The following ZNF578 variants were observed in gnomAD, a reference collection of about 807,000 sequenced individuals.
ZNF578 encodes zinc finger protein 578, also known as Putative chemokine-related protein B42.
A neutral mutation model predicts 8.3 loss-of-function variants in ZNF578; 8 were observed. The observed-to-expected ratio is 0.96, with a 90% CI of 0.56 to 1.74. The LOEUF (loss-of-function observed/expected upper bound fraction) is 1.74, where lower values mean the gene tolerates loss of function less well. Ranked by LOEUF, ZNF578 falls within the 40% of genes most tolerant of loss-of-function variation. The pLI is 0.00. For missense variants in ZNF578, 726 were observed against 707.5 expected (o/e 1.03, Z -0.30); for synonymous variants, 206 against 232.2 (o/e 0.89, Z 1.03).
At chr19:52,466,518 T>C (rs1283691315) in intron 2 of ZNF578, among the ~76,000 whole-genome samples, 1 of 152,234 alleles carries the variant, frequency 6.6e-6, no homozygotes, top group Non-Finnish European at 1.5e-5. Flanking sequence ...TGTTTTTTAA[T>C]GTTTATACCA....
Position 52,503,800 on chromosome 19 carries a change from C to CTTT in ZNF578, c.64-841_64-839dup, listed in dbSNP as rs59166209. On this transcript the variant is annotated intron_variant, in intron 4 of 5. Coordinates refer to ENST00000421239, the MANE Select transcript of ZNF578 (RefSeq NM_001099694.2). ...GTCTGTAGAGAAAACCCTGTGTTTG[C>CTTT]TTTTTTTTTTTTTTTTGAGATGGAG... Among the ~76,000 whole-genome samples the CTTT allele has an allele frequency of 9.3e-3, 1,168 of 125,478 alleles. 28 individuals carry two copies. Among genetic ancestry groups the CTTT allele is most frequent in the African/African-American group, 0.033 (1,119 of 34,276 alleles). The allele number at this position is 125,478 out of a possible 152,430, so 82.3% of individuals were successfully genotyped here. A position where few individuals can be genotyped will look rare whatever the true frequency, so the allele number is the denominator to read the frequency against.
In ZNF578 at chr19:52,514,694, G is replaced by A. The variant is rs988568404; in HGVS notation, c.*2540G>A. ...TTTTCTTTTTTGGAAATGGAGTCTC[G>A]CTCTGTCAGCTTGGATGGAGTGCAG... On this transcript the variant is annotated 3_prime_UTR_variant, in exon 6 of 6. Transcript: ENST00000421239. Among the ~76,000 whole-genome samples the A allele has an allele frequency of 1.3e-5, 2 of 152,010 alleles. No individual in the cohort carries two copies. The highest frequency in any genetic ancestry group is 2.1e-4 in the South Asian group (1 of 4,818).
At position 52,512,446 on chromosome 19, in the gene ZNF578, A is replaced by G; in HGVS notation, c.*292A>G. 1 of 1,396,620 alleles carries G rather than the reference A, an allele frequency of 7.2e-7. No individual in the cohort carries two copies. The allele number at this position is 1,396,620 out of a possible 1,614,324, so 86.5% of individuals were successfully genotyped here. On this transcript the variant is annotated 3_prime_UTR_variant, in exon 6 of 6. Transcript: ENST00000421239. Reference sequence around the variant, plus strand: ...ATCTTCCGAGTGTAATAAATGTGGCAAATTTTTCAGACATCGTTCATACCT... The same window carrying G: ...ATCTTCCGAGTGTAATAAATGTGGCGAATTTTTCAGACATCGTTCATACCT...
Position 52,512,069 on chromosome 19 carries a change from G to A in ZNF578, c.1688G>A (p.Gly563Glu), listed in dbSNP as rs566285018. ...GCAAACCATACTAGAATTCATAGCG[G>A]AGAGAAACCTTACAAGTGTAATGAG... ...YLANHTRIHS[G>E]EKPYKCNECG... The change falls in exon 6 of 6, where the codon GGA becomes GAA. Residue 563 changes from glycine (G) to glutamate (E), a missense_variant. Gly to Glu is a moderately conservative substitution (Grantham distance 98). Transcript: ENST00000421239. 7.7e-5 allele frequency: 124 copies of A among 1,613,794 alleles called. 1 individual carries two copies. Among genetic ancestry groups the A allele is most frequent in the Admixed American group, 7.2e-4 (43 of 59,968 alleles).
intron 3 of ZNF578, among the ~76,000 whole-genome samples, chr19:52,499,119 TG>T (rs1423018383): frequency 6.6e-6 from 1 of 152,204 alleles, no homozygotes; most frequent in East Asian, 1.9e-4. Flanking sequence ...TCTCCCGCTG[TG>T]AGCCTTAGTG....
intron 5 of ZNF578, among the ~76,000 whole-genome samples, chr19:52,508,887 TAG>T (rs1358866198): frequency 2.1e-5 from 3 of 146,258 alleles, no homozygotes; most frequent in African/African-American, 5.0e-5. Context: ...TCTACACTAT[TAG>T]TCAATTTTTT....
At chr19:52,502,659 C>T (rs1029566509) in intron 4 of ZNF578, among the ~76,000 whole-genome samples, 5 of 152,224 alleles carry the variant, frequency 3.3e-5, no homozygotes, top group African/African-American at 9.6e-5. Flanking sequence ...ATCGCTTGAG[C>T]CCAGGAGGTG....
intron 2 of ZNF578, among the ~76,000 whole-genome samples, chr19:52,489,757 G>A (rs79895840): frequency 0.15 from 22,932 of 150,824 alleles, 2,110 homozygotes; most frequent in East Asian, 0.36. Flanking sequence ...CCGGGTTCAC[G>A]CCATTCTCCT....
Position 52,511,110 on chromosome 19 carries a change from C to T in ZNF578, c.729C>T (p.Ser243=). The T allele has an allele frequency of 1.9e-6, 3 of 1,614,088 alleles. No homozygotes were observed. Among genetic ancestry groups the T allele is most frequent in the Non-Finnish European group, 2.5e-6 (3 of 1,179,962 alleles). The change falls in exon 6 of 6, where the codon AGC becomes AGT. Residue 243 remains serine (S), a synonymous_variant. Transcript: ENST00000421239. ...CNETGEAFNC[S]SFVRKHQIIH... ...AGACTGGCGAAGCCTTTAATTGTAG[C>T]TCATTTGTAAGGAAACATCAGATAA...
In ZNF578 at chr19:52,460,917, G is replaced by A. The variant is rs373595574; in HGVS notation, c.-122+3959G>A. Reference sequence around the variant, plus strand: ...CCATTTTTTCTTTTTTAAAACCACCGTTGCTATCATGGCTTGTTCATGGTG... The same window carrying A: ...CCATTTTTTCTTTTTTAAAACCACCATTGCTATCATGGCTTGTTCATGGTG... On this transcript the variant is annotated intron_variant, in intron 2 of 5. Transcript: ENST00000421239. Among the ~76,000 whole-genome samples, 175 of 152,144 alleles carry A rather than the reference G, an allele frequency of 1.2e-3. 1 individual carries two copies. In the South Asian group the frequency reaches 0.024, roughly 21 times the overall value.
rs986750694 is a variant in ZNF578, at chr19:52,494,556, G to A, written c.-20+3131G>A. On this transcript the variant is annotated intron_variant, in intron 3 of 5. Coordinates refer to ENST00000421239, the MANE Select transcript of ZNF578 (RefSeq NM_001099694.2). Reference sequence around the variant, plus strand: ...ATGAGTGTGTGAGTTCATTGGATATGATTAGTTGTGACATGTTGACTTCTG... The same window carrying A: ...ATGAGTGTGTGAGTTCATTGGATATAATTAGTTGTGACATGTTGACTTCTG... Among the ~76,000 whole-genome samples, 6 of 152,262 alleles carry A rather than the reference G, an allele frequency of 3.9e-5. No individual in the cohort carries two copies. The East Asian group carries it at 5.8e-4, about 15-fold the overall frequency.
chr19:52,465,802 G>A (rs566448084), intron 2 of ZNF578, among the ~76,000 whole-genome samples: 6 of 152,274 alleles, frequency 3.9e-5, no homozygotes, highest in African/African-American at 9.6e-5. Flanking sequence ...TGAGTGCCTC[G>A]CTTACCTGCA....
At chr19:52,460,675 T>A (rs2059255100) in intron 2 of ZNF578, among the ~76,000 whole-genome samples, 1 of 152,198 alleles carries the variant, frequency 6.6e-6, no homozygotes, top group Non-Finnish European at 1.5e-5. Context: ...TTGCTTTTCT[T>A]GCGTGTGCTT....
chr19:52,479,421 C>A (rs1568458992), intron 2 of ZNF578, among the ~76,000 whole-genome samples: 1 of 151,596 alleles, frequency 6.6e-6, no homozygotes, highest in South Asian at 2.1e-4. Flanking sequence ...CGAAGTCCCA[C>A]CTACTTGGGA....
At chr19:52,460,944 C>T (rs1357652179) in intron 2 of ZNF578, among the ~76,000 whole-genome samples, 1 of 152,142 alleles carries the variant, frequency 6.6e-6, no homozygotes, top group African/African-American at 2.4e-5. Flanking sequence ...TTCATGGTGT[C>T]TGGTCTCTCT....
intron 2 of ZNF578, among the ~76,000 whole-genome samples, chr19:52,472,838 A>G (rs1190649030): frequency 6.6e-6 from 1 of 152,226 alleles, no homozygotes; most frequent in Admixed American, 6.5e-5. Flanking sequence ...AAAACCTCCC[A>G]AATAATTTTT....
At chr19:52,454,394 C>G (rs1383036928) in intron 1 of ZNF578, 1 of 152,144 alleles carries the variant, frequency 6.6e-6, no homozygotes, top group African/African-American at 2.4e-5. Flanking sequence ...CATCGGATCC[C>G]ACAGATTAAA....
chr19:52,500,786 A>T (rs1377092720), intron 3 of ZNF578, among the ~76,000 whole-genome samples: 1 of 151,988 alleles, frequency 6.6e-6, no homozygotes, highest in East Asian at 1.9e-4. Flanking sequence ...TGGTTCCCTA[A>T]GCAGTTCCCA....
At chr19:52,466,718 A>G (rs544736326) in intron 2 of ZNF578, among the ~76,000 whole-genome samples, 3 of 151,898 alleles carry the variant, frequency 2.0e-5, no homozygotes, top group Non-Finnish European at 4.4e-5. Context: ...GTATGTCTAC[A>G]TGAGTGCATG....
Sources: allele counts gnomAD v4.1 joint callset (sites outside exome capture counted in the v4.1 genomes callset), GRCh38; gene constraint gnomAD v4.1.1; transcripts MANE v1.5; gene names NCBI Gene and HGNC (gene_info 2026-07-23, HGNC 2026-07-21).